ARAP3: variants seen among roughly 807,000 people sequenced by gnomAD.
The protein encoded by ARAP3 is arf-GAP with Rho-GAP domain, ANK repeat and PH domain-containing protein 3.
A neutral mutation model predicts 169.2 loss-of-function variants in ARAP3; 82 were observed. The ratio of observed to expected loss-of-function variants is 0.48; its 90% CI spans 0.41 to 0.58. The LOEUF (loss-of-function observed/expected upper bound fraction) is 0.58, where lower values mean the gene tolerates loss of function less well. Among genes scored for constraint, ARAP3 ranks in the 20% least tolerant of loss-of-function variants. The pLI is 0.00. For missense variants in ARAP3, 1,764 were observed against 2,018.0 expected (o/e 0.87, Z 2.41); for synonymous variants, 791 against 800.3 (o/e 0.99, Z 0.20).
At position 141,672,339 on chromosome 5, in the gene ARAP3, C is replaced by A; in HGVS notation, c.1386-38G>T. The A allele has an allele frequency of 6.2e-7, 1 of 1,607,812 alleles. No homozygotes were observed. The highest frequency in any genetic ancestry group is 8.5e-7 in the Non-Finnish European group (1 of 1,176,354). On this transcript the variant is annotated intron_variant, in intron 9 of 32. Coordinates refer to ENST00000239440, the MANE Select transcript of ARAP3 (RefSeq NM_022481.6). The surrounding 1 kb of genome is among the most constrained non-coding windows in gnomAD (Gnocchi z 4.9). Reference sequence around the variant, plus strand: ...CAGCCAGTCCATGGGCATGGACCTACCTGCCATGTCCCATCCCCCTGGCTC... The same window carrying A: ...CAGCCAGTCCATGGGCATGGACCTAACTGCCATGTCCCATCCCCCTGGCTC...
rs1210827723 is a variant in ARAP3 at position 141,673,730 on chromosome 5, T to G, written c.777A>C (p.Leu259Phe). ...TCTCCTCTGTTTCCAGGGTGGGCGA[T>G]AAGAGGGTGGAGTCTCCAGGTAGCT... ...SLELPGDSTL[L>F]SPTLETEETS... Residue 259 changes from leucine to phenylalanine, a missense_variant, in exon 5 of 33, where the codon TTA (leucine) becomes TTC (phenylalanine). Leu to Phe is a conservative substitution (Grantham distance 22). Coordinates refer to ENST00000239440, the MANE Select transcript of ARAP3 (RefSeq NM_022481.6). 6.2e-7 allele frequency: 1 copy of G among 1,614,158 alleles called. No homozygotes were observed. The highest frequency in any genetic ancestry group is 2.2e-5 in the East Asian group (1 of 44,870).
At chr5:141,661,979 G>A in intron 20 of ARAP3, 64 bp downstream of exon 20, 6 of 1,599,326 alleles carry the variant, frequency 3.8e-6, no homozygotes, top group Non-Finnish European at 5.1e-6. Flanking sequence ...GCCAAACCAT[G>A]GATTCTGGTG....
Position 141,670,083 on chromosome 5 carries a change from T to C in ARAP3, c.2108-20A>G. ...GGGGAGCTAAGGCAGAGGGAGATAG[T>C]CAGGGAGCAGCAGACCTCTGCCCCC... On this transcript the variant is annotated intron_variant, in intron 14 of 32. Coordinates refer to ENST00000239440, the MANE Select transcript of ARAP3 (RefSeq NM_022481.6). The C allele has an allele frequency of 3.2e-6, 5 of 1,582,406 alleles. No homozygotes were observed. The highest frequency in any genetic ancestry group is 4.3e-6 in the Non-Finnish European group (5 of 1,172,188).
At position 141,680,468 on chromosome 5, in the gene ARAP3, G is replaced by T; in HGVS notation, c.19C>A (p.Leu7Met). ...GTGGCCAGCCACACAGCGATGTCCA[G>T]GTCCTGAGGGGCAGCCATGGGGGCT... MAAPQD[L>M]DIAVWLATVH... Residue 7 changes from leucine to methionine, a missense_variant, in exon 2 of 33, where the codon CTG becomes ATG. By Grantham distance (15) the Leu-to-Met change is conservative. Transcript: ENST00000239440. 3 of 1,599,368 alleles carry T rather than the reference G, an allele frequency of 1.9e-6. No individual in the cohort carries two copies. Among genetic ancestry groups the T allele is most frequent in the Non-Finnish European group, 2.6e-6 (3 of 1,174,070 alleles).
rs1052458059 is a variant in ARAP3 at position 141,673,886 on chromosome 5, C to T, written c.699-78G>A. The T allele has an allele frequency of 2.0e-5, 26 of 1,319,954 alleles. No individual in the cohort carries two copies. In the Admixed American group the frequency reaches 5.5e-4, roughly 28 times the overall value. 81.8% of individuals were successfully genotyped at this position (1,319,954 alleles called of 1,614,324 possible). A position where few individuals can be genotyped will look rare whatever the true frequency, so the allele number is the denominator to read the frequency against. On this transcript the variant is annotated intron_variant, in intron 4 of 32. Coordinates refer to ENST00000239440, the MANE Select transcript of ARAP3 (RefSeq NM_022481.6). ...CCCTCTTTGTACTTTCTCCATCCTA[C>T]TCACATCACCTAAGAATAGAATGCC...
At position 141,665,101 on chromosome 5, in the gene ARAP3, C is replaced by T. The variant is rs758791793; in HGVS notation, c.2637-16G>A. On this transcript the variant is annotated splice_polypyrimidine_tract_variant and intron_variant, in intron 18 of 32. Coordinates refer to ENST00000239440, the MANE Select transcript of ARAP3 (RefSeq NM_022481.6). ...ATACAGGGTCCTGAGACCCCAGAGG[C>T]CTGAATCAGAGCCAGCTCCGACAGG... 12 of 1,602,166 alleles carry T rather than the reference C, an allele frequency of 7.5e-6. No homozygotes were observed. In the East Asian group the frequency reaches 2.7e-4, roughly 36 times the overall value.
At chr5:141,666,341 AG>A (rs1937769023) in intron 17 of ARAP3, 82 bp downstream of exon 17, 1 of 1,276,652 alleles carries the variant, frequency 7.8e-7, no homozygotes, top group Admixed American at 3.7e-5. Flanking sequence ...GTTTCCCATA[AG>A]AACCCCCAAA....
At position 141,673,663 on chromosome 5, in the gene ARAP3, TGAA is replaced by T. The variant is rs752828948; in HGVS notation, c.841_843del (p.Phe281del). ...AGCAGGGGCGTGAGGCGGTCTGCCG[TGAA>T]GGAGAAGCTGGCATAGGGTGAAATG... On this transcript the variant is annotated inframe_deletion, in exon 5 of 33. Transcript: ENST00000239440. 3.7e-6 allele frequency: 6 copies of T among 1,614,136 alleles called. No homozygotes were observed. In the Admixed American group the frequency reaches 1.0e-4, roughly 27 times the overall value.
chr5:141,674,939 C>CAA (rs1323513707), intron 4 of ARAP3, among the ~76,000 whole-genome samples: 2 of 152,312 alleles, frequency 1.3e-5, no homozygotes, highest in Middle Eastern at 3.4e-3. Context: ...CAGATGAGAC[C>CAA]ATTTTACTCC....
intron 4 of ARAP3, among the ~76,000 whole-genome samples, chr5:141,678,103 C>A (rs536113852): frequency 1.8e-4 from 28 of 152,254 alleles, no homozygotes; most frequent in Admixed American, 7.8e-4. Flanking sequence ...CCCACCACCA[C>A]GCCCGGCTAT....
In ARAP3 at chr5:141,656,124, G is replaced by A. The variant is rs371302595; in HGVS notation, c.3873-25C>T. The stretch of plus-strand genomic sequence containing the variant: ...CCTGGGAGACAAAGAACAGTGATGG[G>A]GCAGTCAGAAAGGGCAGGGGGGTGA... On this transcript the variant is annotated intron_variant, in intron 28 of 32. Coordinates refer to ENST00000239440, the MANE Select transcript of ARAP3 (RefSeq NM_022481.6). The A allele has an allele frequency of 1.5e-5, 24 of 1,614,036 alleles. No individual in the cohort carries two copies. The African/African-American group carries it at 2.9e-4, about 20-fold the overall frequency.
At chr5:141,679,424 A>C (rs1162794176) in intron 4 of ARAP3, 121 bp downstream of exon 4, 3 of 950,714 alleles carry the variant, frequency 3.2e-6, no homozygotes, top group Middle Eastern at 2.1e-4. Flanking sequence ...TGTGATACTC[A>C]TCCTGTATCT....
chr5:141,680,318 G>A lies in ARAP3; in HGVS notation c.169C>T (p.Arg57Cys), dbSNP rs747897317. 9 of 1,614,122 alleles carry A rather than the reference G, an allele frequency of 5.6e-6. No individual in the cohort carries two copies. The highest frequency in any genetic ancestry group is 5.5e-5 in the South Asian group (5 of 91,094). Reference sequence around the variant, plus strand: ...CCTGTCTGTAGCAGGCGTAGAATGCGTTTCCGGTGCCCTGTGGCGCTGATG... The same window carrying A: ...CCTGTCTGTAGCAGGCGTAGAATGCATTTCCGGTGCCCTGTGGCGCTGATG... The part of the protein sequence containing the change: ...LGISATGHRK[R>C]ILRLLQTGTE... The change falls in exon 2 of 33, where the codon CGC (arginine) becomes TGC (cysteine). Residue 57 changes from arginine to cysteine, a missense_variant. Around this residue, in one of 3 missense-constraint regions of ARAP3, gnomAD observed 630 missense variants for 678.7 expected, o/e 0.93. Transcript: ENST00000239440.
chr5:141,662,288 G>A (rs766057719), intron 19 of ARAP3, 33 bp from the exon 20 acceptor site: 1 of 1,608,444 alleles, frequency 6.2e-7, no homozygotes, highest in South Asian at 1.1e-5. Context: ...GCTCACCATG[G>A]TGCAAAGGCT....
At chr5:141,674,784 CTTG>C (rs2099911925) in intron 4 of ARAP3, among the ~76,000 whole-genome samples, 1 of 152,202 alleles carries the variant, frequency 6.6e-6, no homozygotes, top group Non-Finnish European at 1.5e-5. Flanking sequence ...CCAAAACGTT[CTTG>C]ACCTCTCCCT....
At chr5:141,655,267 T>A in intron 32 of ARAP3, 95 bp downstream of exon 32, 1 of 1,095,634 alleles carries the variant, frequency 9.1e-7, no homozygotes, top group Non-Finnish European at 1.3e-6. Context: ...CACCCCCTGA[T>A]GGCCTACATG....
At chr5:141,659,575 G>T in intron 22 of ARAP3, 99 bp from the exon 23 acceptor site, 1 of 1,404,078 alleles carries the variant, frequency 7.1e-7, no homozygotes, top group Non-Finnish European at 1.0e-6. Context: ...CTGGAGGCCA[G>T]AAGAGCTAAG....
intron 21 of ARAP3, 52 bp from the exon 22 acceptor site, chr5:141,659,978 A>C (rs1307174115): frequency 1.3e-6 from 2 of 1,516,966 alleles, no homozygotes; most frequent in East Asian, 5.0e-5. Flanking sequence ...TTCAGCAAAC[A>C]CTTATTGAGT....
At chr5:141,673,572 CTT>C in intron 5 of ARAP3, 31 bp downstream of exon 5, 1 of 1,612,498 alleles carries the variant, frequency 6.2e-7, no homozygotes. Context: ...CCCAGCCTCT[CTT>C]TTCTCCCTCC....
Sources: gnomAD v4.1 joint callset for allele counts (sites outside exome capture counted in the v4.1 genomes callset) on GRCh38, gnomAD v4.1.1 for gene constraint, gnomAD v4.1.1 regional missense constraint, Gnocchi (gnomAD v3.1) non-coding constraint, MANE v1.5 for transcripts, NCBI Gene and HGNC (gene_info 2026-07-23, HGNC 2026-07-21) for gene names.